Variants in PYDC2 observed in about 807,000 individuals in gnomAD.
PYDC2 encodes the protein pyrin domain containing 2.
For synonymous variants in PYDC2, 51 were observed against 44.6 expected (o/e 1.14, Z -0.57); for missense variants, 123 against 112.2 (o/e 1.10, Z -0.43).
chr3:191,461,442 A>C lies in PYDC2; in HGVS notation c.280A>C (p.Met94Leu). The C allele has an allele frequency of 6.2e-7, 1 of 1,612,956 alleles. No homozygotes were observed. The highest frequency in any genetic ancestry group is 8.5e-7 in the Non-Finnish European group (1 of 1,179,134). ...TGGGAGAGCTGATGAACACTGTGTG[A>C]TGCCCCCACCTTAACCCCTCAGGGA... ...LSGRADEHCV[M>L]PPP The change falls in exon 1 of 1, where the codon ATG becomes CTG. Residue 94 changes from methionine (M) to leucine (L), a missense_variant. Coordinates refer to ENST00000518817, the MANE Select transcript of PYDC2 (RefSeq NM_001083308.1).
At position 191,461,449 on chromosome 3, in the gene PYDC2, C is replaced by G; in HGVS notation, c.287C>G (p.Pro96Arg). 1 of 1,611,234 alleles carries G rather than the reference C, an allele frequency of 6.2e-7. No individual in the cohort carries two copies. The highest frequency in any genetic ancestry group is 1.3e-5 in the African/African-American group (1 of 75,020). Residue 96 changes from proline (P) to arginine (R), a missense_variant, in exon 1 of 1, where the codon CCA (proline) becomes CGA (arginine). Coordinates refer to ENST00000518817, the MANE Select transcript of PYDC2 (RefSeq NM_001083308.1). The part of the protein sequence containing the change: ...GRADEHCVMP[P>R]P ...GCTGATGAACACTGTGTGATGCCCC[C>G]ACCTTAACCCCTCAGGGATAGTGAG...
At position 191,461,437 on chromosome 3, in the gene PYDC2, G is replaced by A; in HGVS notation, c.275G>A (p.Cys92Tyr). Residue 92 changes from cysteine (C) to tyrosine (Y), a missense_variant, in exon 1 of 1, where the codon TGT (cysteine) becomes TAT (tyrosine). Cys to Tyr is a radical substitution (Grantham distance 194). Transcript: ENST00000518817. ...CTGTCTGGGAGAGCTGATGAACACT[G>A]TGTGATGCCCCCACCTTAACCCCTC... ...THLSGRADEH[C>Y]VMPPP 1 of 1,613,412 alleles carries A rather than the reference G, an allele frequency of 6.2e-7. No homozygotes were observed. Among genetic ancestry groups the A allele is most frequent in the Non-Finnish European group, 8.5e-7 (1 of 1,179,428 alleles).
chr3:191,461,258 A>G lies in PYDC2; in HGVS notation c.96A>G (p.Thr32=). Residue 32 remains threonine, a synonymous_variant, in exon 1 of 1, where the codon ACA becomes ACG. Coordinates refer to ENST00000518817, the MANE Select transcript of PYDC2 (RefSeq NM_001083308.1). The stretch of plus-strand genomic sequence containing the variant: ...GCAAGTTCAAGTCTCTGATCAGAAC[A>G]ATCTCCCTGGGAAAGGAGCTACAGA... ...ELSKFKSLIR[T]ISLGKELQTV... 6.2e-7 allele frequency: 1 copy of G among 1,614,172 alleles called. No individual in the cohort carries two copies. Among genetic ancestry groups the G allele is most frequent in the Non-Finnish European group, 8.5e-7 (1 of 1,180,028 alleles).
rs754801835 is a variant in PYDC2 at position 191,461,439 on chromosome 3, G to A, written c.277G>A (p.Val93Met). The A allele has an allele frequency of 4.3e-6, 7 of 1,613,196 alleles. No individual in the cohort carries two copies. The East Asian group carries it at 8.9e-5, about 21-fold the overall frequency. Residue 93 changes from valine (V) to methionine (M), a missense_variant, in exon 1 of 1, where the codon GTG becomes ATG. Coordinates refer to ENST00000518817, the MANE Select transcript of PYDC2 (RefSeq NM_001083308.1). ...HLSGRADEHCVMPPP is the reference protein window; with the variant it reads ...HLSGRADEHCMMPPP ...GTCTGGGAGAGCTGATGAACACTGT[G>A]TGATGCCCCCACCTTAACCCCTCAG... is the stretch of plus-strand genomic sequence containing the variant.
chr3:191,461,176 C>A lies in PYDC2; in HGVS notation c.14C>A (p.Ala5Glu). 1 of 1,613,864 alleles carries A rather than the reference C, an allele frequency of 6.2e-7. No individual in the cohort carries two copies. The highest frequency in any genetic ancestry group is 8.5e-7 in the Non-Finnish European group (1 of 1,179,824). MASS[A>E]ELDFNLQALL... Reference sequence around the variant, plus strand: ...ACATAGGACAAGATGGCATCTTCTGCAGAGCTGGACTTCAACCTGCAGGCT... The same window carrying A: ...ACATAGGACAAGATGGCATCTTCTGAAGAGCTGGACTTCAACCTGCAGGCT... The change falls in exon 1 of 1, where the codon GCA becomes GAA. Residue 5 changes from alanine (A) to glutamate (E), a missense_variant. Coordinates refer to ENST00000518817, the MANE Select transcript of PYDC2 (RefSeq NM_001083308.1).
At position 191,461,202 on chromosome 3, in the gene PYDC2, C is replaced by G. The variant is rs766919357; in HGVS notation, c.40C>G (p.Leu14Val). 5 of 1,614,138 alleles carry G rather than the reference C, an allele frequency of 3.1e-6. No individual in the cohort carries two copies. The Admixed American group carries it at 8.3e-5, about 27-fold the overall frequency. Residue 14 changes from leucine to valine, a missense_variant, in exon 1 of 1, where the codon CTT becomes GTT. Physicochemically the swap from Leu to Val is conservative, Grantham distance 32. Transcript: ENST00000518817. ...SAELDFNLQA[L>V]LEQLSQDELS... is the part of the protein sequence containing the mutation. ...AGAGCTGGACTTCAACCTGCAGGCT[C>G]TTCTGGAGCAGCTCAGCCAGGATGA...
rs763247108 is a variant in PYDC2 at position 191,461,183 on chromosome 3, G to T, written c.21G>T (p.Leu7=). 6.2e-7 allele frequency: 1 copy of T among 1,614,074 alleles called. No individual in the cohort carries two copies. Among genetic ancestry groups the T allele is most frequent in the Non-Finnish European group, 8.5e-7 (1 of 1,179,970 alleles). The change falls in exon 1 of 1, where the codon CTG becomes CTT. Residue 7 remains leucine (L), a synonymous_variant. Transcript: ENST00000518817. The part of the protein sequence containing the change: MASSAE[L]DFNLQALLEQ... ...ACAAGATGGCATCTTCTGCAGAGCT[G>T]GACTTCAACCTGCAGGCTCTTCTGG...
rs1715176530 is a variant in PYDC2 at position 191,461,373 on chromosome 3, G to A, written c.211G>A (p.Ala71Thr). ...CTCCTGCAGCTACTGGGCAGGGATG[G>A]CAGCCATCCAGGTCTTTGAAAAGAT... ...SHSCSYWAGM[A>T]AIQVFEKMNQ... Residue 71 changes from alanine (A) to threonine (T), a missense_variant, in exon 1 of 1, where the codon GCA becomes ACA. Transcript: ENST00000518817. 1.2e-6 allele frequency: 2 copies of A among 1,614,180 alleles called. No individual in the cohort carries two copies. Among genetic ancestry groups the A allele is most frequent in the East Asian group, 2.2e-5 (1 of 44,886 alleles).
chr3:191,461,281 A>C lies in PYDC2; in HGVS notation c.119A>C (p.Gln40Pro). The change falls in exon 1 of 1, where the codon CAG (glutamine) becomes CCG (proline). Residue 40 changes from glutamine to proline, a missense_variant. Physicochemically the swap from Gln to Pro is moderately conservative, Grantham distance 76 (BLOSUM62 -1). Transcript: ENST00000518817. ...ACAATCTCCCTGGGAAAGGAGCTACAGACCGTCCCCCAGACAGAGGTAGAC... is the reference window on the plus strand; with the variant it reads ...ACAATCTCCCTGGGAAAGGAGCTACCGACCGTCCCCCAGACAGAGGTAGAC... The part of the protein sequence containing the change: ...IRTISLGKEL[Q>P]TVPQTEVDKA... 6.2e-7 allele frequency: 1 copy of C among 1,614,180 alleles called. No individual in the cohort carries two copies. The highest frequency in any genetic ancestry group is 8.5e-7 in the Non-Finnish European group (1 of 1,180,012).
rs377321809 is a variant in PYDC2 at position 191,461,286 on chromosome 3, G to A, written c.124G>A (p.Val42Ile). Reference protein sequence around the residue: ...TISLGKELQTVPQTEVDKANG... With the variant: ...TISLGKELQTIPQTEVDKANG... ...CTCCCTGGGAAAGGAGCTACAGACC[G>A]TCCCCCAGACAGAGGTAGACAAGGC... The change falls in exon 1 of 1, where the codon GTC (valine) becomes ATC (isoleucine). Residue 42 changes from valine to isoleucine, a missense_variant. Transcript: ENST00000518817. The A allele has an allele frequency of 4.8e-5, 78 of 1,613,978 alleles. No individual in the cohort carries two copies. The highest frequency in any genetic ancestry group is 9.9e-5 in the South Asian group (9 of 91,076).
Sources: allele counts gnomAD v4.1 joint callset, GRCh38; gene constraint gnomAD v4.1.1; transcripts MANE v1.5; gene names NCBI Gene and HGNC (gene_info 2026-07-23, HGNC 2026-07-21).